The following MPDZ variants were observed in gnomAD, a reference collection of about 807,000 sequenced individuals.
The protein encoded by MPDZ is multiple PDZ domain protein.
A neutral mutation model predicts 239.1 loss-of-function variants in MPDZ; 234 were observed. That is an observed-to-expected ratio of 0.98 (90% CI 0.88 to 1.09). The LOEUF (loss-of-function observed/expected upper bound fraction) is 1.09. Ranked by LOEUF, MPDZ falls within the 50% of genes least tolerant of loss-of-function variation. The pLI, the probability that MPDZ is intolerant of heterozygous loss-of-function variation, is 0.00. For synonymous variants in MPDZ, 1,048 were observed against 881.3 expected (o/e 1.19, Z -3.35); for missense variants, 3,175 against 2,510.0 (o/e 1.26, Z -5.66).
chr9:13,147,460 C>T, intron 26 of MPDZ, 88 bp downstream of exon 26: 1 of 942,726 alleles, frequency 1.1e-6, no homozygotes, highest in Non-Finnish European at 1.7e-6. Flanking sequence ...ACTATCTTTA[C>T]TCATACAGAC....
At position 13,205,921 on chromosome 9, in the gene MPDZ, A is replaced by C. The variant is rs1001120944; in HGVS notation, c.1469T>G (p.Ile490Ser). ...CCAGATTAACATAGGATTACCTTTG[A>C]TTATGCTGGCATTAACAGGAGACAA... ...ADLSPVNASI[I>S]KENYEKDEDF... Residue 490 changes from isoleucine (I) to serine (S), a missense_variant, in exon 11 of 47, where the codon ATC (isoleucine) becomes AGC (serine). Ile to Ser is a moderately radical substitution (Grantham distance 142). Coordinates refer to ENST00000319217, the MANE Select transcript of MPDZ (RefSeq NM_001378778.1). 8 of 1,592,254 alleles carry C rather than the reference A, an allele frequency of 5.0e-6. No homozygotes were observed. The highest frequency in any genetic ancestry group is 6.0e-6 in the Non-Finnish European group (7 of 1,170,088).
chr9:13,267,139 T>TA (rs1971961778), intron 1 of MPDZ, among the ~76,000 whole-genome samples: 1 of 152,232 alleles, frequency 6.6e-6, no homozygotes, highest in Non-Finnish European at 1.5e-5. Flanking sequence ...CAACTAATAA[T>TA]AAAATTGCAT....
At chr9:13,225,700 A>C (rs140221243) in intron 3 of MPDZ, among the ~76,000 whole-genome samples, 1 of 152,214 alleles carries the variant, frequency 6.6e-6, no homozygotes, top group Non-Finnish European at 1.5e-5. Flanking sequence ...ACTAGGAGCA[A>C]TACCAAATAG....
At chr9:13,269,708 C>T (rs181629444) in intron 1 of MPDZ, among the ~76,000 whole-genome samples, 16 of 152,258 alleles carry the variant, frequency 1.1e-4, no homozygotes, top group African/African-American at 3.8e-4. Context: ...CCCTGTAGTC[C>T]TCTGCCAGCA....
At chr9:13,175,684 C>A in intron 21 of MPDZ, 68 bp downstream of exon 21, 1 of 1,479,174 alleles carries the variant, frequency 6.8e-7, no homozygotes, top group Non-Finnish European at 9.1e-7. Flanking sequence ...TTGAAATTTA[C>A]CATGTTCAAT....
At chr9:13,166,355 T>C (rs1342245957) in intron 22 of MPDZ, among the ~76,000 whole-genome samples, 2 of 152,178 alleles carry the variant, frequency 1.3e-5, no homozygotes, top group East Asian at 3.9e-4. Flanking sequence ...TGCTCAGCCC[T>C]GGTCAACCTA....
chr9:13,217,231 C>G lies in MPDZ; in HGVS notation c.1150G>C (p.Val384Leu), dbSNP rs1448715244. The G allele has an allele frequency of 1.9e-6, 3 of 1,604,284 alleles. No individual in the cohort carries two copies. In the South Asian group the frequency reaches 3.4e-5, roughly 18 times the overall value. ...GCAATGGTAATTCCTAATCCTTGGA[C>G]ATTTTTAGTGAGTTCTACATCAAAT... ...ETFDVELTKN[V>L]QGLGITIAGY... Residue 384 changes from valine to leucine, a missense_variant, in exon 9 of 47, where the codon GTC becomes CTC. Coordinates refer to ENST00000319217, the MANE Select transcript of MPDZ (RefSeq NM_001378778.1).
At chr9:13,178,362 C>T (rs1480173056) in intron 19 of MPDZ, among the ~76,000 whole-genome samples, 3 of 151,886 alleles carry the variant, frequency 2.0e-5, no homozygotes, top group African/African-American at 7.3e-5. Context: ...CTTGCCAGTC[C>T]TAGATTAGTT....
chr9:13,119,618 C>A lies in MPDZ; in HGVS notation c.5263G>T (p.Val1755Phe). 3 of 1,613,982 alleles carry A rather than the reference C, an allele frequency of 1.9e-6. No individual in the cohort carries two copies. Among genetic ancestry groups the A allele is most frequent in the Non-Finnish European group, 2.5e-6 (3 of 1,179,870 alleles). Residue 1755 changes from valine (V) to phenylalanine (F), a missense_variant, in exon 39 of 47, where the codon GTC becomes TTC. By Grantham distance (50) the Val-to-Phe change is conservative. Transcript: ENST00000319217. ...TCGGCATCTGCAATTCCTCCTTTGA[C>A]AATGTCTGACACAAATACTCCAGTA... is the stretch of plus-strand genomic sequence containing the variant. ...NDTGVFVSDI[V>F]KGGIADADGR...
At chr9:13,273,271 G>A (rs1973429560) in intron 1 of MPDZ, among the ~76,000 whole-genome samples, 1 of 152,158 alleles carries the variant, frequency 6.6e-6, no homozygotes, top group African/African-American at 2.4e-5. Flanking sequence ...AAGAGAAACT[G>A]GACATATCTT....
rs200611423 is a variant in MPDZ at position 13,221,467 on chromosome 9, C to A, written c.781G>T (p.Val261Leu). The change falls in exon 7 of 47, where the codon GTG (valine) becomes TTG (leucine). Residue 261 changes from valine (V) to leucine (L), a missense_variant. By Grantham distance (32) the Val-to-Leu change is conservative. Coordinates refer to ENST00000319217, the MANE Select transcript of MPDZ (RefSeq NM_001378778.1). ...AATCCCAAACCAGATCCATCATTCACCAATTCAATCGTTTCCATGTGTTGC... is the reference window on the plus strand; with the variant it reads ...AATCCCAAACCAGATCCATCATTCAACAATTCAATCGTTTCCATGTGTTGC... ...HWQHMETIEL[V>L]NDGSGLGFGI... 5 of 1,611,026 alleles carry A rather than the reference C, an allele frequency of 3.1e-6. No homozygotes were observed. Among genetic ancestry groups the A allele is most frequent in the Non-Finnish European group, 3.4e-6 (4 of 1,178,176 alleles).
intron 26 of MPDZ, among the ~76,000 whole-genome samples, chr9:13,145,098 A>C (rs964637322): frequency 2.0e-5 from 3 of 152,118 alleles, no homozygotes; most frequent in African/African-American, 7.2e-5. Context: ...TCAGAGGATT[A>C]GAATTTGGCC....
chr9:13,233,107 G>C (rs973883458), intron 3 of MPDZ, among the ~76,000 whole-genome samples: 1 of 152,162 alleles, frequency 6.6e-6, no homozygotes, highest in Non-Finnish European at 1.5e-5. Flanking sequence ...TCGTGAGAGA[G>C]TTGGACTTAT....
chr9:13,119,977 G>C (rs150088285), intron 38 of MPDZ: 1 of 262,662 alleles, frequency 3.8e-6, no homozygotes, highest in East Asian at 1.0e-4. Context: ...TTAAGAGTCA[G>C]TCCTTGGATG....
chr9:13,247,390 C>A (rs924008603), intron 3 of MPDZ, among the ~76,000 whole-genome samples: 1 of 152,154 alleles, frequency 6.6e-6, no homozygotes, highest in Admixed American at 6.5e-5. Flanking sequence ...TGTAGAAACT[C>A]ATTCTTCAGC....
chr9:13,228,024 T>A (rs879311323), intron 3 of MPDZ, among the ~76,000 whole-genome samples: 1 of 152,160 alleles, frequency 6.6e-6, no homozygotes, highest in African/African-American at 2.4e-5. Flanking sequence ...TTTGCCTTGA[T>A]AGGTCTGTTC....
chr9:13,243,369 T>A (rs2137483472), intron 3 of MPDZ, among the ~76,000 whole-genome samples: 1 of 152,134 alleles, frequency 6.6e-6, no homozygotes, highest in East Asian at 1.9e-4. Flanking sequence ...ATCTCTTTTT[T>A]TTTTTTTGCT....
intron 8 of MPDZ, among the ~76,000 whole-genome samples, chr9:13,219,284 C>T (rs1958756687): frequency 6.6e-6 from 1 of 151,860 alleles, no homozygotes; most frequent in South Asian, 2.1e-4. Context: ...TAAACTTTTA[C>T]CCATACTTTA....
intron 2 of MPDZ, among the ~76,000 whole-genome samples, chr9:13,248,072 C>T (rs1383180455): frequency 6.6e-6 from 1 of 151,202 alleles, no homozygotes; most frequent in South Asian, 2.1e-4. Context: ...ACTAAAAATA[C>T]AAAAAATTAG....
Sources: gnomAD v4.1 joint callset for allele counts (sites outside exome capture counted in the v4.1 genomes callset) on GRCh38, gnomAD v4.1.1 for gene constraint, MANE v1.5 for transcripts, NCBI Gene and HGNC (gene_info 2026-07-23, HGNC 2026-07-21) for gene names.